COL25A1: variants seen among roughly 807,000 people sequenced by gnomAD.
The protein encoded by COL25A1 is collagen alpha-1(XXV) chain.
Under a neutral mutation model 128.4 loss-of-function variants are expected in COL25A1, and 103 were observed. The observed-to-expected ratio is 0.80, with a 90% CI of 0.68 to 0.94. The LOEUF (loss-of-function observed/expected upper bound fraction) is 0.94. Among genes scored for constraint, COL25A1 ranks in the 40% least tolerant of loss-of-function variants. The pLI, the probability that COL25A1 is intolerant of heterozygous loss-of-function variation, is 0.00. For synonymous variants in COL25A1, 279 were observed against 277.2 expected (o/e 1.01, Z -0.06); for missense variants, 745 against 840.0 (o/e 0.89, Z 1.40).
intron 8 of COL25A1, among the ~76,000 whole-genome samples, chr4:108,960,998 G>GA (rs1652684892): frequency 6.6e-6 from 1 of 152,058 alleles, no homozygotes; most frequent in East Asian, 1.9e-4. Flanking sequence ...ACACTGAATA[G>GA]AAAAATACTT....
chr4:109,057,046 G>C (rs909009168), intron 3 of COL25A1, among the ~76,000 whole-genome samples: 1 of 152,092 alleles, frequency 6.6e-6, no homozygotes, highest in Non-Finnish European at 1.5e-5. Flanking sequence ...TTTTTGTAGA[G>C]ACAAGGTCTC....
At chr4:109,185,721 G>T (rs997884551) in intron 3 of COL25A1, among the ~76,000 whole-genome samples, 1 of 152,056 alleles carries the variant, frequency 6.6e-6, no homozygotes, top group Non-Finnish European at 1.5e-5. Context: ...GATCTAACAG[G>T]ATTAGTGTCC....
intron 31 of COL25A1, among the ~76,000 whole-genome samples, chr4:108,839,993 G>A (rs1440962440): frequency 6.6e-6 from 1 of 152,018 alleles, no homozygotes; most frequent in African/African-American, 2.4e-5. Flanking sequence ...TGTAATCCCA[G>A]CACTTTGGGA....
At chr4:109,161,926 C>T (rs1385771461) in intron 3 of COL25A1, among the ~76,000 whole-genome samples, 1 of 152,146 alleles carries the variant, frequency 6.6e-6, no homozygotes, top group Non-Finnish European at 1.5e-5. Flanking sequence ...AAATCTCAGG[C>T]AACAGGTAAC....
chr4:108,901,299 A>C (rs1176609000), intron 13 of COL25A1, 127 bp from the exon 14 acceptor site: 2 of 692,208 alleles, frequency 2.9e-6, no homozygotes, highest in Non-Finnish European at 4.9e-6. Flanking sequence ...CTATTAGTTT[A>C]AATTCAAGTT....
chr4:109,196,484 C>T (rs1388402494), intron 3 of COL25A1, among the ~76,000 whole-genome samples: 1 of 152,072 alleles, frequency 6.6e-6, no homozygotes, highest in East Asian at 1.9e-4. Flanking sequence ...GATGCATTTA[C>T]TCTAATATAG....
At chr4:109,143,371 T>C (rs1033551791) in intron 3 of COL25A1, among the ~76,000 whole-genome samples, 1 of 152,148 alleles carries the variant, frequency 6.6e-6, no homozygotes, top group Non-Finnish European at 1.5e-5. Flanking sequence ...TTGAATCTGA[T>C]AATTATGTGT....
intron 8 of COL25A1, among the ~76,000 whole-genome samples, chr4:108,966,748 G>A (rs1459227036): frequency 6.6e-6 from 1 of 151,896 alleles, no homozygotes; most frequent in Non-Finnish European, 1.5e-5. Flanking sequence ...CTATTCGGGG[G>A]ACTGAGGCAG....
rs367728430 is a variant in COL25A1 at position 109,301,957 on chromosome 4, G to C, written c.63C>G (p.Thr21=). ...GGREPRSEDP[T]PAEQHCARTM... ...TCCGGGCACAATGCTGTTCGGCAGG[G>C]GTCGGGTCCTCGGATCTGGGCTCCC... Residue 21 remains threonine, a synonymous_variant, in exon 2 of 38, where the codon ACC becomes ACG. Transcript: ENST00000399132. 1.9e-6 allele frequency: 3 copies of C among 1,612,272 alleles called. No individual in the cohort carries two copies. Among genetic ancestry groups the C allele is most frequent in the Non-Finnish European group, 2.5e-6 (3 of 1,179,506 alleles).
intron 32 of COL25A1, among the ~76,000 whole-genome samples, chr4:108,829,425 ATCTATCT>A (rs1732808751): frequency 6.8e-6 from 1 of 147,026 alleles, no homozygotes; most frequent in African/African-American, 2.5e-5. Context: ...CTATCTATCT[ATCTATCT>A]ATCATCTATC....
intron 8 of COL25A1, among the ~76,000 whole-genome samples, chr4:108,970,662 C>T (rs2125984521): frequency 6.6e-6 from 1 of 152,222 alleles, no homozygotes; most frequent in South Asian, 2.1e-4. Context: ...ACTTATTCCT[C>T]TTATCTAACT....
At chr4:108,898,519 T>C (rs1742419883) in intron 15 of COL25A1, among the ~76,000 whole-genome samples, 1 of 152,150 alleles carries the variant, frequency 6.6e-6, no homozygotes, top group African/African-American at 2.4e-5. Context: ...AGCCTAAAAA[T>C]AATCAGGACA....
At chr4:109,006,494 C>G (rs1756021304) in intron 6 of COL25A1, among the ~76,000 whole-genome samples, 1 of 147,290 alleles carries the variant, frequency 6.8e-6, no homozygotes, top group African/African-American at 2.5e-5. Context: ...CCTGCCTTGG[C>G]CTCCCAAAGT....
chr4:109,162,272 C>T (rs1297902389), intron 3 of COL25A1, among the ~76,000 whole-genome samples: 1 of 151,972 alleles, frequency 6.6e-6, no homozygotes. Context: ...CATGCAAAGG[C>T]CCAAAAATAG....
At chr4:108,963,021 G>A (rs1750904616) in intron 8 of COL25A1, among the ~76,000 whole-genome samples, 1 of 152,172 alleles carries the variant, frequency 6.6e-6, no homozygotes, top group South Asian at 2.1e-4. Flanking sequence ...GTGCAGGTAT[G>A]CTTATGAAAG....
rs2125698732 is a variant in COL25A1 at position 108,812,164 on chromosome 4, C to T, written c.*1763G>A. On this transcript the variant is annotated 3_prime_UTR_variant, in exon 38 of 38. Transcript: ENST00000399132. ...TTTACTGTGCAAAGAAATGTTCCAT[C>T]TAATATGGTTAGGTAAAGTTTGAGC... 6.6e-6 allele frequency: 1 copy of T among 152,220 alleles called. No homozygotes were observed. Among genetic ancestry groups the T allele is most frequent in the South Asian group, 2.1e-4 (1 of 4,822 alleles). The allele number at this position is 152,220 out of a possible 1,614,324, so 9.4% of individuals were successfully genotyped here. A position where few individuals can be genotyped will look rare whatever the true frequency, so the allele number is the denominator to read the frequency against.
intron 3 of COL25A1, among the ~76,000 whole-genome samples, chr4:109,107,239 C>T (rs1013148666): frequency 5.9e-5 from 9 of 152,086 alleles, no homozygotes; most frequent in Non-Finnish European, 1.2e-4. Context: ...CCTGTCTCCA[C>T]AAAATGCCTA....
intron 3 of COL25A1, among the ~76,000 whole-genome samples, chr4:109,083,624 G>A (rs1019517251): frequency 1.3e-5 from 2 of 151,586 alleles, no homozygotes; most frequent in Admixed American, 6.6e-5. Context: ...TACCACGCCC[G>A]GCTAATTTTT....
At chr4:109,113,396 G>A (rs1041674424) in intron 3 of COL25A1, among the ~76,000 whole-genome samples, 2 of 150,436 alleles carry the variant, frequency 1.3e-5, no homozygotes, top group Non-Finnish European at 3.0e-5. Flanking sequence ...ACAAAGTTCT[G>A]TCTTGATGGC....
Sources: allele counts gnomAD v4.1 joint callset (sites outside exome capture counted in the v4.1 genomes callset), GRCh38; gene constraint gnomAD v4.1.1; transcripts MANE v1.5; gene names NCBI Gene and HGNC (gene_info 2026-07-23, HGNC 2026-07-21).